Variants in SMC1B observed in about 807,000 individuals in gnomAD.
The protein encoded by SMC1B is structural maintenance of chromosomes 1B.
Under a neutral mutation model 157.9 loss-of-function variants are expected in SMC1B, and 60 were observed. That is an observed-to-expected ratio of 0.38 (90% CI 0.31 to 0.47). The LOEUF (loss-of-function observed/expected upper bound fraction) is 0.47. SMC1B is among the 20% of genes least tolerant of loss of function. The pLI is 0.99. For missense variants in SMC1B, 1,165 were observed against 1,426.2 expected (o/e 0.82, Z 2.95); for synonymous variants, 445 against 483.0 (o/e 0.92, Z 1.03).
intron 9 of SMC1B, among the ~76,000 whole-genome samples, chr22:45,393,275 A>G (rs985450307): frequency 6.6e-6 from 1 of 152,208 alleles, no homozygotes; most frequent in Non-Finnish European, 1.5e-5. Context: ...TATTTCAAAA[A>G]CAAATAAAAC....
intron 1 of SMC1B, among the ~76,000 whole-genome samples, chr22:45,409,775 T>C (rs1279253288): frequency 6.6e-6 from 1 of 152,154 alleles, no homozygotes; most frequent in African/African-American, 2.4e-5. Context: ...GATTTGGATG[T>C]TGGGAGGGTT....
intron 12 of SMC1B, among the ~76,000 whole-genome samples, chr22:45,377,714 T>A (rs536009845): frequency 2.0e-5 from 3 of 152,248 alleles, no homozygotes; most frequent in African/African-American, 7.2e-5. Context: ...TGTTTATTTT[T>A]AAATAGAGAT....
At chr22:45,347,983 G>A (rs1411094335) in intron 23 of SMC1B, among the ~76,000 whole-genome samples, 1 of 151,172 alleles carries the variant, frequency 6.6e-6, no homozygotes, top group Non-Finnish European at 1.5e-5. Flanking sequence ...CCCCTGGGCA[G>A]TGTCGGGCAC....
At chr22:45,363,585 G>T (rs1306984967) in intron 15 of SMC1B, among the ~76,000 whole-genome samples, 2 of 152,084 alleles carry the variant, frequency 1.3e-5, no homozygotes, top group Non-Finnish European at 2.9e-5. Flanking sequence ...GTAAGCTGAG[G>T]TGGTAAGAAC....
intron 22 of SMC1B, among the ~76,000 whole-genome samples, chr22:45,350,527 C>T (rs1298796556): frequency 1.3e-5 from 2 of 152,270 alleles, no homozygotes; most frequent in South Asian, 2.1e-4. Context: ...CTGCCTGCCT[C>T]AGCCTCCCAA....
At chr22:45,358,174 G>C (rs1310230257) in intron 19 of SMC1B, among the ~76,000 whole-genome samples, 1 of 152,176 alleles carries the variant, frequency 6.6e-6, no homozygotes, top group Admixed American at 6.5e-5. Flanking sequence ...CTCATACCTA[G>C]TCCTATGCAT....
chr22:45,396,215 C>G (rs1003879295), intron 7 of SMC1B, 131 bp downstream of exon 7: 23 of 756,820 alleles, frequency 3.0e-5, no homozygotes, highest in African/African-American at 5.4e-5. Flanking sequence ...CTTCATCTGC[C>G]AAATCATGAA....
chr22:45,372,390 C>A (rs2086842123), intron 12 of SMC1B, 98 bp from the exon 13 acceptor site: 2 of 988,948 alleles, frequency 2.0e-6, no homozygotes, highest in Non-Finnish European at 2.9e-6. Context: ...TTTTTACATA[C>A]CACCACACCT....
chr22:45,369,935 C>A lies in SMC1B; in HGVS notation c.2420+19G>T, dbSNP rs988553575. On this transcript the variant is annotated intron_variant, in intron 15 of 24. Coordinates refer to ENST00000357450, the MANE Select transcript of SMC1B (RefSeq NM_148674.5). ...TATAAATATGTAAGCTCCTTACCAACATCTTTTTATAAAAATACCTTTTTT... is the reference window on the plus strand; with the variant it reads ...TATAAATATGTAAGCTCCTTACCAAAATCTTTTTATAAAAATACCTTTTTT... 3.0e-6 allele frequency: 4 copies of A among 1,335,746 alleles called. No individual in the cohort carries two copies. The African/African-American group carries it at 5.8e-5, about 19-fold the overall frequency. The allele number at this position is 1,335,746 out of a possible 1,614,324, so 82.7% of individuals were successfully genotyped here.
intron 11 of SMC1B, among the ~76,000 whole-genome samples, chr22:45,385,964 C>T: frequency 6.6e-6 from 1 of 151,950 alleles, no homozygotes; most frequent in East Asian, 1.9e-4. Context: ...CTGGACATTC[C>T]AGATTAAGTG....
chr22:45,366,435 G>A (rs2086776691), intron 15 of SMC1B, among the ~76,000 whole-genome samples: 1 of 152,128 alleles, frequency 6.6e-6, no homozygotes. Flanking sequence ...GGGAATGTCA[G>A]TATATAAATG....
intron 2 of SMC1B, among the ~76,000 whole-genome samples, 177 bp downstream of exon 2, chr22:45,408,533 A>T (rs1569437): frequency 0.48 from 73,446 of 152,044 alleles, 20,452 homozygotes; most frequent in African/African-American, 0.77. Flanking sequence ...TTGGAGAAAT[A>T]TGTGGCGAAT....
intron 5 of SMC1B, 22 bp from the exon 6 acceptor site, chr22:45,399,375 C>T: frequency 1.9e-6 from 3 of 1,565,242 alleles, no homozygotes; most frequent in Non-Finnish European, 2.6e-6. Context: ...AAAATGTTTG[C>T]TTTAAAGAAA....
In SMC1B at chr22:45,344,625, G is replaced by T; in HGVS notation, c.3639C>A (p.Thr1213=). 6.2e-7 allele frequency: 1 copy of T among 1,614,048 alleles called. No homozygotes were observed. Among genetic ancestry groups the T allele is most frequent in the East Asian group, 2.2e-5 (1 of 44,886 alleles). Residue 1213 remains threonine, a synonymous_variant, in exon 25 of 25, where the codon ACC becomes ACA. Coordinates refer to ENST00000357450, the MANE Select transcript of SMC1B (RefSeq NM_148674.5). The part of the protein sequence containing the change: ...YDDCMFSRVL[T]LDLSQYPDTE... The stretch of plus-strand genomic sequence containing the variant: ...TGTCTGGATACTGAGAAAGATCTAG[G>T]GTCAAAACTCGGCTGAACATGCAGT...
Position 45,396,399 on chromosome 22 carries a change from T to C in SMC1B, c.1201A>G (p.Lys401Glu). 6.2e-7 allele frequency: 1 copy of C among 1,613,102 alleles called. No individual in the cohort carries two copies. Among genetic ancestry groups the C allele is most frequent in the Non-Finnish European group, 8.5e-7 (1 of 1,179,608 alleles). Residue 401 changes from lysine to glutamate, a missense_variant, in exon 7 of 25, where the codon AAG (lysine) becomes GAG (glutamate). Lys to Glu is a moderately conservative substitution (Grantham distance 56). Coordinates refer to ENST00000357450, the MANE Select transcript of SMC1B (RefSeq NM_148674.5). ...QQLEKLQWEQ[K>E]TDEERLAFEK... The stretch of plus-strand genomic sequence containing the variant: ...AATGCCAGTCTTTCTTCATCTGTCT[T>C]CTGTTCCCACTGCAGTTTTTCCAGT...
chr22:45,366,225 T>C (rs6007000), intron 15 of SMC1B, among the ~76,000 whole-genome samples: 4,278 of 152,244 alleles, frequency 0.028, 206 homozygotes, highest in African/African-American at 0.098. Context: ...TGTTTCGCCA[T>C]GTTGCCCAGG....
At chr22:45,372,021 T>C in intron 13 of SMC1B, 134 bp downstream of exon 13, 1 of 690,982 alleles carries the variant, frequency 1.4e-6, no homozygotes, top group Non-Finnish European at 2.2e-6. Flanking sequence ...CCAGCCTGGG[T>C]GACAGAGTGA....
chr22:45,413,515 C>A lies in SMC1B; in HGVS notation c.53G>T (p.Arg18Leu). 6.2e-7 allele frequency: 1 copy of A among 1,605,010 alleles called. No individual in the cohort carries two copies. The highest frequency in any genetic ancestry group is 8.5e-7 in the Non-Finnish European group (1 of 1,175,738). ...CCTCCGGAAGGGGCCAATGACCTGG[C>A]GGCCCCGCCACGACTTGAAATTTTC... ...LVENFKSWRGRQVIGPFRRFT... is the reference protein window; with the variant it reads ...LVENFKSWRGLQVIGPFRRFT... The change falls in exon 1 of 25, where the codon CGC becomes CTC. Residue 18 changes from arginine (R) to leucine (L), a missense_variant. Transcript: ENST00000357450.
chr22:45,359,839 A>G lies in SMC1B; in HGVS notation c.2828T>C (p.Leu943Ser), dbSNP rs571820642. ...CKVQDIEIIL[L>S]SGSLDDIIEV... The stretch of plus-strand genomic sequence containing the variant: ...AATGATGTCATCCAGTGACCCCGAC[A>G]AAAGGATTATCTCAATGTCTTGCAC... The change falls in exon 18 of 25, where the codon TTG becomes TCG. Residue 943 changes from leucine (L) to serine (S), a missense_variant. By Grantham distance (145) the Leu-to-Ser change is moderately radical. Transcript: ENST00000357450. The G allele has an allele frequency of 6.2e-7, 1 of 1,613,850 alleles. No individual in the cohort carries two copies. The highest frequency in any genetic ancestry group is 1.3e-5 in the African/African-American group (1 of 75,058).
Sources: gnomAD v4.1 joint callset for allele counts (sites outside exome capture counted in the v4.1 genomes callset) on GRCh38, gnomAD v4.1.1 for gene constraint, MANE v1.5 for transcripts, NCBI Gene and HGNC (gene_info 2026-07-23, HGNC 2026-07-21) for gene names.